The following PCDHGA4 variants were observed in gnomAD, a reference collection of about 807,000 sequenced individuals.
The protein encoded by PCDHGA4 is protocadherin gamma subfamily A, 4, also known as protocadherin gamma-A4.
PCDHGA4 carries 38 observed loss-of-function variants against 54.6 expected under a neutral mutation model. The observed-to-expected ratio is 0.70, with a 90% CI of 0.54 to 0.91. PCDHGA4 has a LOEUF of 0.91. Among genes scored for constraint, PCDHGA4 ranks in the 40% least tolerant of loss-of-function variants. PCDHGA4 has a pLI of 0.00. For missense variants in PCDHGA4, 1,298 were observed against 1,220.9 expected (o/e 1.06, Z -0.94); for synonymous variants, 511 against 512.9 (o/e 1.00, Z 0.05).
At chr5:141,424,022 A>G (rs2096795541) in intron 1 of PCDHGA4, 13 of 1,046,584 alleles carry the variant, frequency 1.2e-5, no homozygotes, top group Non-Finnish European at 1.4e-5. Context: ...ATGATTCACA[A>G]ACACTTTTTA....
chr5:141,374,004 G>A (rs1770021331), intron 1 of PCDHGA4: 3 of 1,327,578 alleles, frequency 2.3e-6, no homozygotes, highest in African/African-American at 1.5e-5. Flanking sequence ...GACCTTCACC[G>A]CTATTTCTGA....
intron 1 of PCDHGA4, chr5:141,366,450 TC>T (rs1764566733): frequency 6.2e-7 from 1 of 1,614,230 alleles, no homozygotes; most frequent in Non-Finnish European, 8.5e-7. Flanking sequence ...TTCCTGGCCT[TC>T]GTCATCGTGC....
chr5:141,365,310 T>C (rs1471610081), intron 1 of PCDHGA4: 1 of 1,613,896 alleles, frequency 6.2e-7, no homozygotes, highest in Admixed American at 1.7e-5. Flanking sequence ...GGAGGCGCTC[T>C]TGTTGCCAGC....
In PCDHGA4 at chr5:141,413,494, G is replaced by A. The variant is rs778441176; in HGVS notation, c.2514+55873G>A. The A allele has an allele frequency of 2.5e-5, 41 of 1,613,924 alleles. No homozygotes were observed. Among genetic ancestry groups the A allele is most frequent in the Non-Finnish European group, 3.1e-5 (37 of 1,179,948 alleles). On this transcript the variant is annotated intron_variant, in intron 1 of 3. Transcript: ENST00000571252. Reference sequence around the variant, plus strand: ...GCTCTGCGCTCAGAGCGCGCGGTGCGTGGTGAGTTTTAATATCCTTGTGGA... The same window carrying A: ...GCTCTGCGCTCAGAGCGCGCGGTGCATGGTGAGTTTTAATATCCTTGTGGA...
At chr5:141,479,685 G>C (rs749895405) in intron 1 of PCDHGA4, 2 of 152,130 alleles carry the variant, frequency 1.3e-5, no homozygotes, top group Non-Finnish European at 2.9e-5. Context: ...AGTCTTTTTG[G>C]TGCCTCCAGT....
intron 1 of PCDHGA4, chr5:141,420,344 T>G (rs2096490860): frequency 2.2e-6 from 3 of 1,394,808 alleles, no homozygotes; most frequent in African/African-American, 1.5e-5. Flanking sequence ...TATAGTGGTA[T>G]TATTTTAAGA....
intron 1 of PCDHGA4, chr5:141,385,485 A>G: frequency 7.1e-7 from 1 of 1,418,146 alleles, no homozygotes; most frequent in Admixed American, 3.0e-5. Flanking sequence ...AATATAGAAC[A>G]CATAGGATAT....
intron 1 of PCDHGA4, chr5:141,428,225 A>G (rs775012950): frequency 4.3e-6 from 5 of 1,156,574 alleles, no homozygotes; most frequent in Non-Finnish European, 6.3e-6. Flanking sequence ...GTCTTCGCAG[A>G]CAGCCTGCAG....
rs13436338 is a variant in PCDHGA4, at chr5:141,468,261, G to A, written c.2515-26546G>A. On this transcript the variant is annotated intron_variant, in intron 1 of 3. Coordinates refer to ENST00000571252, the MANE Select transcript of PCDHGA4 (RefSeq NM_018917.4). ...AATTGCCTGAACCTGGGAGGCAGAG[G>A]TTGTGGTGAGCCGAGACCACGCCAT... Among the ~76,000 whole-genome samples, 391 of 149,216 alleles carry A rather than the reference G, an allele frequency of 2.6e-3. 2 individuals are homozygous for A. Among genetic ancestry groups the A allele is most frequent in the African/African-American group, 9.3e-3 (377 of 40,498 alleles).
chr5:141,395,447 G>A, intron 1 of PCDHGA4: 1 of 645,042 alleles, frequency 1.6e-6, no homozygotes, highest in Admixed American at 3.5e-5. Context: ...GGAAAAGATT[G>A]TTCAACCATT....
chr5:141,407,989 T>G, intron 1 of PCDHGA4: 1 of 833,618 alleles, frequency 1.2e-6, no homozygotes, highest in Non-Finnish European at 1.8e-6. Flanking sequence ...TCCGTCAGCC[T>G]CTGGCCTGGG....
In PCDHGA4 at chr5:141,431,140, C is replaced by G. The variant is rs145692116; in HGVS notation, c.2515-63667C>G. The G allele has an allele frequency of 6.2e-7, 1 of 1,614,208 alleles. No individual in the cohort carries two copies. The highest frequency in any genetic ancestry group is 1.7e-5 in the Admixed American group (1 of 60,038). On this transcript the variant is annotated intron_variant, in intron 1 of 3. Transcript: ENST00000571252. This position sits in a 1 kb window ranked among gnomAD's most constrained non-coding sequence, Gnocchi z 4.8. The stretch of plus-strand genomic sequence containing the variant: ...TAGAAGTAGAAGTAAGGGACATTAA[C>G]GACAATGCGCCTTACTTTCGTGAAA...
rs762238827 is a variant in PCDHGA4 at position 141,487,202 on chromosome 5, C to T, written c.2515-7605C>T. ...CACTCATCCAGTTGTCCCAGATCTT[C>T]GAGAATCTTCAGCTCCAAGGGAAGG... On this transcript the variant is annotated intron_variant, in intron 1 of 3. Coordinates refer to ENST00000571252, the MANE Select transcript of PCDHGA4 (RefSeq NM_018917.4). This position sits in a 1 kb window ranked among gnomAD's most constrained non-coding sequence, Gnocchi z 5.0. 7 of 1,613,660 alleles carry T rather than the reference C, an allele frequency of 4.3e-6. No homozygotes were observed. The highest frequency in any genetic ancestry group is 1.7e-5 in the Admixed American group (1 of 59,992).
At chr5:141,387,340 G>A (rs565408747) in intron 1 of PCDHGA4, among the ~76,000 whole-genome samples, 2 of 152,306 alleles carry the variant, frequency 1.3e-5, no homozygotes, top group Non-Finnish European at 2.9e-5. Flanking sequence ...ACTGTACTCT[G>A]AGACGGTTTA....
intron 1 of PCDHGA4, chr5:141,389,294 A>C: frequency 1.2e-6 from 2 of 1,613,964 alleles, no homozygotes; most frequent in Non-Finnish European, 8.5e-7. Flanking sequence ...CCTCTATTTC[A>C]CAAGTCAGGG....
Position 141,477,673 on chromosome 5 carries a change from G to A in PCDHGA4, c.2515-17134G>A. The A allele has an allele frequency of 1.2e-6, 2 of 1,614,168 alleles. No individual in the cohort carries two copies. The highest frequency in any genetic ancestry group is 8.5e-7 in the Non-Finnish European group (1 of 1,180,050). ...CAATAAATCGTGACAATGGCATAGT[G>A]TCATCCTTAGTGCCCCTAGACTATG... On this transcript the variant is annotated intron_variant, in intron 1 of 3. Coordinates refer to ENST00000571252, the MANE Select transcript of PCDHGA4 (RefSeq NM_018917.4). This position sits in a 1 kb window ranked among gnomAD's most constrained non-coding sequence, Gnocchi z 4.9.
Position 141,432,809 on chromosome 5 carries a change from T to A in PCDHGA4, c.2515-61998T>A. ...CGGCAGCCTCGAGTCTCCAGCTAAC[T>A]CTGAAACCTCAGACCTCACTCTGTA... is the stretch of plus-strand genomic sequence containing the variant. On this transcript the variant is annotated intron_variant, in intron 1 of 3. Coordinates refer to ENST00000571252, the MANE Select transcript of PCDHGA4 (RefSeq NM_018917.4). This position sits in a 1 kb window ranked among gnomAD's most constrained non-coding sequence, Gnocchi z 6.0. The A allele has an allele frequency of 6.2e-7, 1 of 1,613,398 alleles. No homozygotes were observed. Among genetic ancestry groups the A allele is most frequent in the Non-Finnish European group, 8.5e-7 (1 of 1,179,980 alleles).
At chr5:141,435,391 A>C (rs1328617100) in intron 1 of PCDHGA4, among the ~76,000 whole-genome samples, 5 of 152,202 alleles carry the variant, frequency 3.3e-5, no homozygotes, top group African/African-American at 1.2e-4. Flanking sequence ...CCGTATTGCC[A>C]TGACGAAAAA....
In PCDHGA4 at chr5:141,357,212, T is replaced by A. The variant is rs774627882; in HGVS notation, c.2105T>A (p.Val702Asp). Residue 702 changes from valine (V) to aspartate (D), a missense_variant, in exon 1 of 4, where the codon GTC becomes GAC. Val to Asp is a radical substitution (Grantham distance 152, BLOSUM62 -3). Transcript: ENST00000571252. ...TVAVADSIPD[V>D]LADLGSLKPS... The stretch of plus-strand genomic sequence containing the variant: ...GCTGTGGCCGACAGCATCCCAGATG[T>A]CCTGGCTGACTTGGGCAGCCTCAAG... The A allele has an allele frequency of 5.6e-6, 9 of 1,613,742 alleles. No homozygotes were observed. The highest frequency in any genetic ancestry group is 6.8e-6 in the Non-Finnish European group (8 of 1,179,858).
Sources: allele counts gnomAD v4.1 joint callset (sites outside exome capture counted in the v4.1 genomes callset), GRCh38; gene constraint gnomAD v4.1.1; non-coding constraint Gnocchi (gnomAD v3.1); transcripts MANE v1.5; gene names NCBI Gene and HGNC (gene_info 2026-07-23, HGNC 2026-07-21).